The following BOLL variants were observed in gnomAD, a reference collection of about 807,000 sequenced individuals.
BOLL encodes the protein protein boule-like.
BOLL carries 23 observed loss-of-function variants against 44.4 expected under a neutral mutation model. That is an observed-to-expected ratio of 0.52 (90% CI 0.37 to 0.73). BOLL has a LOEUF of 0.73. Among genes scored for constraint, BOLL ranks in the 30% least tolerant of loss-of-function variants. The probability of loss-of-function intolerance (pLI) is 0.00; values close to 1 mark genes in which losing one functional copy is unlikely to be tolerated. For missense variants in BOLL, 287 were observed against 338.3 expected (o/e 0.85, Z 1.19); for synonymous variants, 97 against 110.8 (o/e 0.88, Z 0.78).
At position 197,764,788 on chromosome 2, in the gene BOLL, A is replaced by G. The variant is rs72918811; in HGVS notation, c.552+1744T>C. Among the ~76,000 whole-genome samples the G allele has an allele frequency of 2.3e-3, 345 of 152,236 alleles. 1 individual carries two copies. Among genetic ancestry groups the G allele is most frequent in the Non-Finnish European group, 4.2e-3 (286 of 67,984 alleles). ...GATGTAAATGTTGCATATGCCTACA[A>G]AGCTCTGAATTCAGGTCCCATTGCT... On this transcript the variant is annotated intron_variant, in intron 7 of 10. Coordinates refer to ENST00000392296, the MANE Select transcript of BOLL (RefSeq NM_033030.6).
chr2:197,770,130 ATAGTACTGG>A (rs1689175062), intron 6 of BOLL, among the ~76,000 whole-genome samples: 1 of 152,218 alleles, frequency 6.6e-6, no homozygotes, highest in Non-Finnish European at 1.5e-5. Context: ...CCAAAACAGC[ATAGTACTGG>A]TACCAAAACA....
At chr2:197,757,683 A>G (rs558841709) in intron 7 of BOLL, among the ~76,000 whole-genome samples, 1 of 152,298 alleles carries the variant, frequency 6.6e-6, no homozygotes, top group Admixed American at 6.5e-5. Flanking sequence ...GCAACAACAA[A>G]AAATAGTTAA....
intron 9 of BOLL, among the ~76,000 whole-genome samples, chr2:197,745,201 A>C (rs1370933273): frequency 1.3e-5 from 2 of 152,176 alleles, no homozygotes; most frequent in Admixed American, 6.5e-5. Flanking sequence ...AAAGGTTTAA[A>C]ATAATCATTG....
At chr2:197,785,608 A>C (rs960855458), upstream of BOLL, among the ~76,000 whole-genome samples, 2 of 152,170 alleles carry the variant, frequency 1.3e-5, no homozygotes, top group African/African-American at 4.8e-5. The surrounding 1 kb of genome is among the most constrained non-coding windows in gnomAD (Gnocchi z 6.7). Context: ...GGCTGGGTCG[A>C]GTTCGGCCGC....
chr2:197,737,354 C>T (rs937907746), intron 10 of BOLL, among the ~76,000 whole-genome samples: 3 of 151,964 alleles, frequency 2.0e-5, no homozygotes, highest in African/African-American at 7.2e-5. Flanking sequence ...CTTGATTCTC[C>T]TTACTGTCCT....
chr2:197,773,038 T>C (rs879297486), intron 5 of BOLL, among the ~76,000 whole-genome samples: 1 of 151,812 alleles, frequency 6.6e-6, no homozygotes, highest in Non-Finnish European at 1.5e-5. Flanking sequence ...ATAATACTAT[T>C]GCTCCTCAGC....
chr2:197,735,626 G>A (rs1380837892), intron 10 of BOLL, among the ~76,000 whole-genome samples: 1 of 152,134 alleles, frequency 6.6e-6, no homozygotes, highest in Non-Finnish European at 1.5e-5. Context: ...TGAAGTAGGT[G>A]AAGGATATAC....
chr2:197,749,275 T>C (rs1688126679), intron 9 of BOLL, among the ~76,000 whole-genome samples: 1 of 152,070 alleles, frequency 6.6e-6, no homozygotes, highest in Non-Finnish European at 1.5e-5. Context: ...TCCACAAAGA[T>C]GAGGAAAAAC....
intron 9 of BOLL, among the ~76,000 whole-genome samples, chr2:197,746,899 G>GGA (rs1559398207): frequency 8.5e-5 from 8 of 94,086 alleles, no homozygotes; most frequent in Admixed American, 1.1e-4. Flanking sequence ...ACTCTGTCTC[G>GGA]AAAAAAAAAA....
chr2:197,783,895 C>T (rs905079432), intron 1 of BOLL, among the ~76,000 whole-genome samples: 2 of 152,178 alleles, frequency 1.3e-5, no homozygotes, highest in African/African-American at 2.4e-5. Context: ...AATCATTCTT[C>T]ATGAAATTCT....
intron 7 of BOLL, chr2:197,758,859 C>T (rs2106353715): frequency 3.5e-6 from 4 of 1,139,262 alleles, no homozygotes; most frequent in Middle Eastern, 2.1e-4. Context: ...AACCAGCTTG[C>T]AGTCCAATAC....
intron 9 of BOLL, among the ~76,000 whole-genome samples, chr2:197,750,884 C>A (rs1688212384): frequency 6.6e-6 from 1 of 152,066 alleles, no homozygotes; most frequent in Admixed American, 6.6e-5. Flanking sequence ...TAAAATTGAC[C>A]ACATAATTGG....
At chr2:197,767,797 T>C (rs887995352) in intron 6 of BOLL, among the ~76,000 whole-genome samples, 2 of 152,010 alleles carry the variant, frequency 1.3e-5, no homozygotes, top group African/African-American at 4.8e-5. Context: ...GTTAAGAGTA[T>C]CTTCCCACTT....
At chr2:197,778,805 T>TACACACACACACACACACACACAC (rs71964015) in intron 3 of BOLL, among the ~76,000 whole-genome samples, 170 bp downstream of exon 3, 16 of 143,490 alleles carry the variant, frequency 1.1e-4, no homozygotes, top group African/African-American at 4.0e-4. Context: ...CCCTCCAAAA[T>TACACACACACACACACACACACAC]ACACACACAC....
At chr2:197,760,275 G>A (rs1183188663) in intron 7 of BOLL, among the ~76,000 whole-genome samples, 1 of 152,016 alleles carries the variant, frequency 6.6e-6, no homozygotes, top group East Asian at 1.9e-4. Flanking sequence ...GGCCAGGTGA[G>A]CAGTTGTGCA....
At chr2:197,776,094 C>T (rs1452549147) in intron 4 of BOLL, among the ~76,000 whole-genome samples, 3 of 151,608 alleles carry the variant, frequency 2.0e-5, no homozygotes, top group East Asian at 1.9e-4. Flanking sequence ...GCCTGATGCG[C>T]ATGCTCCCAG....
At chr2:197,757,490 C>A in intron 7 of BOLL, 90 bp from the exon 8 acceptor site, 1 of 1,091,560 alleles carries the variant, frequency 9.2e-7, no homozygotes, top group South Asian at 1.5e-5. Flanking sequence ...TGAAGTTGGA[C>A]CCTCACACCA....
chr2:197,775,238 T>C (rs572842256), intron 5 of BOLL, among the ~76,000 whole-genome samples: 91 of 151,862 alleles, frequency 6.0e-4, no homozygotes, highest in Non-Finnish European at 1.0e-3. Context: ...TGGGTTACAG[T>C]ACACAGCATG....
intron 3 of BOLL, 24 bp from the exon 4 acceptor site, chr2:197,777,137 C>T (rs1689550450): frequency 1.5e-6 from 2 of 1,378,278 alleles, no homozygotes; most frequent in African/African-American, 1.5e-5. Context: ...TTAATTATTA[C>T]TAATTAATCA....
Sources: allele counts gnomAD v4.1 joint callset (sites outside exome capture counted in the v4.1 genomes callset), GRCh38; gene constraint gnomAD v4.1.1; non-coding constraint Gnocchi (gnomAD v3.1); transcripts MANE v1.5; gene names NCBI Gene and HGNC (gene_info 2026-07-23, HGNC 2026-07-21).